BANP: variants seen among roughly 807,000 people sequenced by gnomAD.
The protein encoded by BANP is BTG3 associated nuclear protein.
BANP carries 11 observed loss-of-function variants against 68.1 expected under a neutral mutation model. That is an observed-to-expected ratio of 0.16 (90% CI 0.10 to 0.27). The LOEUF is 0.27. BANP is among the 10% of genes least tolerant of loss of function. The pLI is 1.00. For synonymous variants in BANP, 329 were observed against 303.2 expected (o/e 1.09, Z -0.88); for missense variants, 504 against 722.7 (o/e 0.70, Z 3.47).
At chr16:88,069,022 C>T (rs2089594646) in intron 12 of BANP, among the ~76,000 whole-genome samples, 1 of 152,154 alleles carries the variant, frequency 6.6e-6, no homozygotes, top group African/African-American at 2.4e-5. Flanking sequence ...CCTGTCCCTG[C>T]ACCCAGCCCA....
At chr16:88,015,345 CAG>C (rs961945544) in intron 6 of BANP, among the ~76,000 whole-genome samples, 1 of 152,016 alleles carries the variant, frequency 6.6e-6, no homozygotes, top group East Asian at 1.9e-4. Flanking sequence ...GTCCCTCTGC[CAG>C]TCCCCTCTGC....
At chr16:87,964,449 AGGAGGCG>A (rs2059693625) in intron 1 of BANP, among the ~76,000 whole-genome samples, 6 of 152,074 alleles carry the variant, frequency 3.9e-5, no homozygotes, top group Admixed American at 2.0e-4. Flanking sequence ...GGAGGCGTGC[AGGAGGCG>A]TGCAGGGGTG....
chr16:87,990,258 TACA>T (rs1164947592), intron 4 of BANP, among the ~76,000 whole-genome samples: 1 of 152,258 alleles, frequency 6.6e-6, no homozygotes, highest in Non-Finnish European at 1.5e-5. Context: ...TCTACAATTT[TACA>T]ACAATTATAA....
chr16:87,972,752 A>G (rs1028838804), intron 1 of BANP, among the ~76,000 whole-genome samples: 1 of 152,076 alleles, frequency 6.6e-6, no homozygotes, highest in Non-Finnish European at 1.5e-5. Context: ...ATGAGCTTTC[A>G]TGTTCCTTTG....
chr16:88,011,179 G>A (rs1396726936), intron 6 of BANP, among the ~76,000 whole-genome samples: 1 of 152,180 alleles, frequency 6.6e-6, no homozygotes, highest in Non-Finnish European at 1.5e-5. Flanking sequence ...CTTGCGTTGA[G>A]TTTCCGGATA....
chr16:88,022,806 G>A (rs977908504), intron 7 of BANP, among the ~76,000 whole-genome samples: 11 of 152,210 alleles, frequency 7.2e-5, no homozygotes, highest in Non-Finnish European at 1.0e-4. Flanking sequence ...CCCCTCGGCT[G>A]TCTTCCCCCC....
At chr16:87,977,305 G>A (rs576415582) in intron 2 of BANP, among the ~76,000 whole-genome samples, 1 of 152,328 alleles carries the variant, frequency 6.6e-6, no homozygotes, top group African/African-American at 2.4e-5. Context: ...TGTAGTCCCA[G>A]CTGCTCAGGA....
chr16:88,024,031 CT>C (rs141046237), intron 7 of BANP, among the ~76,000 whole-genome samples: 6,214 of 152,320 alleles, frequency 0.041, 173 homozygotes, highest in Middle Eastern at 0.099. Context: ...ATGCCGAGCA[CT>C]TCTGTTCTCC....
At position 88,018,211 on chromosome 16, in the gene BANP, C is replaced by T. The variant is rs1308611161; in HGVS notation, c.656-217C>T. On this transcript the variant is annotated intron_variant, in intron 6 of 13. Transcript: ENST00000682872. The surrounding 1 kb of genome is among the most constrained non-coding windows in gnomAD (Gnocchi z 7.7). ...GCCCCACAGGCACGTGGCCGCTTCTCGGGGGTGGTGGGATCGTGTCTGTTC... is the reference window on the plus strand; with the variant it reads ...GCCCCACAGGCACGTGGCCGCTTCTTGGGGGTGGTGGGATCGTGTCTGTTC... Among the ~76,000 whole-genome samples the T allele has an allele frequency of 1.3e-5, 2 of 152,006 alleles. No individual in the cohort carries two copies. Among genetic ancestry groups the T allele is most frequent in the Admixed American group, 6.6e-5 (1 of 15,262 alleles).
chr16:88,049,569 A>T (rs1341040168), intron 11 of BANP, among the ~76,000 whole-genome samples: 1 of 152,200 alleles, frequency 6.6e-6, no homozygotes, highest in Non-Finnish European at 1.5e-5. Context: ...CAGGGGGATC[A>T]TTAGAGTGAA....
rs775669584 is a variant in BANP, at chr16:88,036,400, G to T, written c.1272+1006G>T. The stretch of plus-strand genomic sequence containing the variant: ...AGCTCATGCTGGGTGCAGGTGCTGT[G>T]GGGGAGCAGAGGAGAGAGAAGCCCT... On this transcript the variant is annotated intron_variant, in intron 10 of 13. Transcript: ENST00000682872. This position sits in a 1 kb window ranked among gnomAD's most constrained non-coding sequence, Gnocchi z 4.2. 1.3e-5 allele frequency among the ~76,000 whole-genome samples: 2 copies of T among 152,170 alleles called. No individual in the cohort carries two copies. Among genetic ancestry groups the T allele is most frequent in the Non-Finnish European group, 2.9e-5 (2 of 68,020 alleles).
intron 8 of BANP, among the ~76,000 whole-genome samples, chr16:88,028,740 T>C (rs1373962746): frequency 6.6e-6 from 1 of 152,348 alleles, no homozygotes; most frequent in East Asian, 1.9e-4. Flanking sequence ...AATGCGGCTG[T>C]AGGAATATTG....
Position 87,976,096 on chromosome 16 carries a change from A to C in BANP, c.70+911A>C, listed in dbSNP as rs2062069803. ...CCTCCACAGTTGACTCTTCTCTTTCAGAGGGCTCCTGGCATAGTCTGTCTG... is the reference window on the plus strand; with the variant it reads ...CCTCCACAGTTGACTCTTCTCTTTCCGAGGGCTCCTGGCATAGTCTGTCTG... On this transcript the variant is annotated intron_variant, in intron 2 of 13. Transcript: ENST00000682872. Among the ~76,000 whole-genome samples the C allele has an allele frequency of 2.0e-5, 3 of 152,260 alleles. No homozygotes were observed. In the South Asian group the frequency reaches 6.2e-4, roughly 31 times the overall value.
At chr16:88,001,471 C>T (rs565574803) in intron 4 of BANP, among the ~76,000 whole-genome samples, 20 of 152,358 alleles carry the variant, frequency 1.3e-4, no homozygotes, top group African/African-American at 2.6e-4. Context: ...TTTTCCACAT[C>T]GGTCCTTAGA....
Position 88,066,580 on chromosome 16 carries a change from T to C in BANP, c.1377+1248T>C, listed in dbSNP as rs147690652. ...AAATTCTGTTTATTTTCAGCTGAGC[T>C]GTGTTGTTCACAAAAAGTAAAACCA... is the stretch of plus-strand genomic sequence containing the variant. On this transcript the variant is annotated intron_variant, in intron 12 of 13. Transcript: ENST00000682872. Among the ~76,000 whole-genome samples, 25 of 152,348 alleles carry C rather than the reference T, an allele frequency of 1.6e-4. No homozygotes were observed. In the East Asian group the frequency reaches 4.2e-3, roughly 26 times the overall value.
intron 11 of BANP, among the ~76,000 whole-genome samples, chr16:88,059,259 C>CCT (rs2086035298): frequency 1.1e-4 from 1 of 9,478 alleles, no homozygotes; most frequent in Non-Finnish European, 3.0e-4. Flanking sequence ...TGGGGTGGGG[C>CCT]GGGCGGAGGT....
chr16:88,013,357 C>T (rs2073701188), intron 6 of BANP, among the ~76,000 whole-genome samples: 1 of 152,248 alleles, frequency 6.6e-6, no homozygotes, highest in Non-Finnish European at 1.5e-5. Context: ...CGGGCCCTCC[C>T]TCAGTGCAGT....
intron 6 of BANP, among the ~76,000 whole-genome samples, chr16:88,009,140 C>A (rs1412092349): frequency 6.6e-6 from 1 of 152,220 alleles, no homozygotes; most frequent in Admixed American, 6.5e-5. Context: ...GTCCTCTCTT[C>A]AGCACTTCCA....
rs1017356925 is a variant in BANP, at chr16:88,064,068, C to T, written c.1312-1199C>T. On this transcript the variant is annotated intron_variant, in intron 11 of 13. Coordinates refer to ENST00000682872, the MANE Select transcript of BANP (RefSeq NM_001386991.1). The surrounding 1 kb of genome is among the most constrained non-coding windows in gnomAD (Gnocchi z 4.5). Reference sequence around the variant, plus strand: ...GGGAACAAAGGCACAGACATTGTTGCTGCCTTGGAACAAGGTGTGGGGGCC... The same window carrying T: ...GGGAACAAAGGCACAGACATTGTTGTTGCCTTGGAACAAGGTGTGGGGGCC... 6.6e-6 allele frequency among the ~76,000 whole-genome samples: 1 copy of T among 152,158 alleles called. No individual in the cohort carries two copies. The highest frequency in any genetic ancestry group is 2.4e-5 in the African/African-American group (1 of 41,432).
Sources: allele counts gnomAD v4.1 joint callset (sites outside exome capture counted in the v4.1 genomes callset), GRCh38; gene constraint gnomAD v4.1.1; non-coding constraint Gnocchi (gnomAD v3.1); transcripts MANE v1.5; gene names NCBI Gene and HGNC (gene_info 2026-07-23, HGNC 2026-07-21).